The following LIPA variants were observed in gnomAD, a reference collection of about 807,000 sequenced individuals.
LIPA encodes the protein lysosomal acid lipase/cholesteryl ester hydrolase.
Under a neutral mutation model 40.6 loss-of-function variants are expected in LIPA, and 26 were observed. The observed-to-expected ratio is 0.64, with a 90% CI of 0.47 to 0.89. LIPA has a LOEUF of 0.89. LIPA is among the 40% of genes least tolerant of loss of function. LIPA has a pLI of 0.00. For synonymous variants in LIPA, 188 were observed against 168.4 expected, an observed-to-expected ratio of 1.12 and a Z score of -0.90; for missense variants, 455 against 479.6, an observed-to-expected ratio of 0.95 and a Z score of 0.48.
intron 8 of LIPA, among the ~76,000 whole-genome samples, chr10:89,216,839 T>G (rs745567406): frequency 2.5e-4 from 38 of 152,198 alleles, no homozygotes; most frequent in Non-Finnish European, 4.1e-4. Flanking sequence ...TGTCTAGTTA[T>G]ATTAGTCAAA....
chr10:89,401,602 TG>T (rs1041255767), intron 2 of LIPA, among the ~76,000 whole-genome samples: 4 of 151,982 alleles, frequency 2.6e-5, no homozygotes, highest in African/African-American at 9.7e-5. Context: ...TAGGCTTACG[TG>T]AAAAAAATGA....
intron 1 of LIPA, among the ~76,000 whole-genome samples, chr10:89,300,717 T>G (rs1435005764): frequency 6.6e-6 from 1 of 152,218 alleles, no homozygotes; most frequent in Non-Finnish European, 1.5e-5. Context: ...CCGGGCGTGG[T>G]GGCTCACGCC....
intron 2 of LIPA, among the ~76,000 whole-genome samples, chr10:89,390,611 C>T (rs1346215530): frequency 1.3e-5 from 2 of 151,976 alleles, no homozygotes; most frequent in African/African-American, 4.8e-5. Flanking sequence ...TATCTGTAAA[C>T]ACACACACAC....
chr10:89,232,410 C>T (rs1202985259), intron 3 of LIPA, among the ~76,000 whole-genome samples: 3 of 152,210 alleles, frequency 2.0e-5, no homozygotes, highest in East Asian at 1.9e-4. Context: ...CCAACAAAAA[C>T]GACTGCAATC....
At chr10:89,389,640 T>C (rs369046576) in intron 2 of LIPA, among the ~76,000 whole-genome samples, 1 of 152,210 alleles carries the variant, frequency 6.6e-6, no homozygotes, top group Admixed American at 6.5e-5. Context: ...GATTGGATAT[T>C]TGAGACCCTT....
At chr10:89,231,873 G>T (rs1842846476) in intron 3 of LIPA, among the ~76,000 whole-genome samples, 1 of 152,154 alleles carries the variant, frequency 6.6e-6, no homozygotes. Flanking sequence ...GACAAGATTA[G>T]GGCTGCTTTA....
At chr10:89,413,825 G>A (rs1401947377) in intron 1 of LIPA, among the ~76,000 whole-genome samples, 1 of 151,884 alleles carries the variant, frequency 6.6e-6, no homozygotes, top group Non-Finnish European at 1.5e-5. Context: ...GGATATTGAG[G>A]TTTTGAATAC....
At chr10:89,392,472 C>A (rs559007015) in intron 2 of LIPA, 29 of 104,500 alleles carry the variant, frequency 2.8e-4, no homozygotes, top group South Asian at 8.0e-4. Context: ...TCATTCCCCA[C>A]CCCCCCCCGT....
At chr10:89,408,674 G>A (rs1841444881) in intron 2 of LIPA, among the ~76,000 whole-genome samples, 1 of 152,218 alleles carries the variant, frequency 6.6e-6, no homozygotes, top group African/African-American at 2.4e-5. Flanking sequence ...AGATGATCCT[G>A]ATAGGTACAC....
chr10:89,265,057 C>T (rs1843228079), intron 1 of LIPA, among the ~76,000 whole-genome samples: 1 of 152,206 alleles, frequency 6.6e-6, no homozygotes, highest in South Asian at 2.1e-4. Context: ...ATGTTGGTGC[C>T]ACCCTGAGCA....
chr10:89,281,328 T>C (rs888521622), intron 1 of LIPA, among the ~76,000 whole-genome samples: 4 of 152,228 alleles, frequency 2.6e-5, no homozygotes, highest in African/African-American at 9.6e-5. Context: ...GCAAGTTCTT[T>C]TTAGTAATTT....
In LIPA at chr10:89,328,882, T is replaced by C. The variant is rs190548235; in HGVS notation, c.-2+13729A>G. The stretch of plus-strand genomic sequence containing the variant: ...GTAGGAAGGCTCCCAAAAGAATCTT[T>C]TTAGAATCATAGGAATAGTCTATAG... On this transcript the variant is annotated intron_variant, in intron 1 of 5. Transcript: ENST00000282673. Among the ~76,000 whole-genome samples, 324 of 152,264 alleles carry C rather than the reference T, an allele frequency of 2.1e-3. 1 individual carries two copies. The highest frequency in any genetic ancestry group is 3.7e-3 in the Non-Finnish European group (255 of 68,012).
intron 2 of LIPA, among the ~76,000 whole-genome samples, chr10:89,372,135 T>G (rs577304536): frequency 1.3e-5 from 2 of 152,310 alleles, no homozygotes; most frequent in African/African-American, 4.8e-5. Flanking sequence ...AATTTGGTAG[T>G]CAGCTGGCAG....
chr10:89,350,315 C>CTTTTTTTTTTTTTTTTT (rs71471123), intron 2 of LIPA, among the ~76,000 whole-genome samples: 1 of 148,368 alleles, frequency 6.7e-6, no homozygotes, highest in Admixed American at 6.8e-5. Flanking sequence ...GTGAAGTTAC[C>CTTTTTTTTTTTTTTTTT]TTTTTTTTTA....
In LIPA at chr10:89,403,656, G is replaced by A. The variant is rs751246202; in HGVS notation, c.61+9135C>T. The A allele has an allele frequency of 1.2e-5, 19 of 1,611,138 alleles. No individual in the cohort carries two copies. The highest frequency in any genetic ancestry group is 1.0e-4 in the Admixed American group (6 of 59,184). On this transcript the variant is annotated intron_variant, in intron 2 of 8. Coordinates refer to the LIPA transcript ENST00000371837. ...TATGAATGAAGCCCTGGAGTACTAT[G>A]AGCGGGCCCTGAGACTGGCTGCTGA... is the stretch of plus-strand genomic sequence containing the variant.
intron 2 of LIPA, among the ~76,000 whole-genome samples, chr10:89,378,742 A>G (rs547625760): frequency 6.6e-6 from 1 of 152,366 alleles, no homozygotes; most frequent in African/African-American, 2.4e-5. Flanking sequence ...GAGGGGCAAG[A>G]TGAGAATATA....
intron 2 of LIPA, among the ~76,000 whole-genome samples, chr10:89,357,300 A>G (rs1291001753): frequency 1.3e-5 from 2 of 152,226 alleles, no homozygotes; most frequent in East Asian, 3.8e-4. Context: ...AAGAAGCACC[A>G]AAGGACACAG....
chr10:89,314,829 A>G (rs150330053), intron 1 of LIPA, among the ~76,000 whole-genome samples: 7 of 152,346 alleles, frequency 4.6e-5, no homozygotes, highest in African/African-American at 1.7e-4. Context: ...CTGTACTGGA[A>G]AAATAATTAT....
intron 1 of LIPA, among the ~76,000 whole-genome samples, chr10:89,296,504 A>AG (rs1267066896): frequency 1.4e-5 from 2 of 146,114 alleles, no homozygotes; most frequent in Non-Finnish European, 3.0e-5. Flanking sequence ...AAAAAAAAAA[A>AG]AAGAAGAAGA....
Sources: gnomAD v4.1 joint callset for allele counts (sites outside exome capture counted in the v4.1 genomes callset) on GRCh38, gnomAD v4.1.1 for gene constraint, MANE v1.5 for transcripts, NCBI Gene and HGNC (gene_info 2026-07-23, HGNC 2026-07-21) for gene names.